Variants in FBXL13 observed in about 807,000 individuals in gnomAD.
FBXL13 encodes the protein F-box and leucine-rich repeat protein 13.
In FBXL13, 67 loss-of-function variants were observed where a neutral mutation model predicts 83.6. The observed-to-expected ratio is 0.80, with a 90% CI of 0.66 to 0.98. FBXL13 has a LOEUF of 0.98. Ranked by LOEUF, FBXL13 falls within the 50% of genes least tolerant of loss-of-function variation. The probability of loss-of-function intolerance (pLI) is 0.00; values close to 1 mark genes in which losing one functional copy is unlikely to be tolerated. For missense variants in FBXL13, 822 were observed against 866.5 expected (o/e 0.95, Z 0.64); for synonymous variants, 272 against 299.5 (o/e 0.91, Z 0.95).
intron 2 of FBXL13, among the ~76,000 whole-genome samples, chr7:103,046,275 T>C (rs551572997): frequency 6.6e-6 from 1 of 152,364 alleles, no homozygotes; most frequent in East Asian, 1.9e-4. Flanking sequence ...ATTATATTAT[T>C]TAGCATAACT....
At chr7:103,059,525 A>G (rs1797654195) in intron 1 of FBXL13, among the ~76,000 whole-genome samples, 1 of 152,236 alleles carries the variant, frequency 6.6e-6, no homozygotes, top group African/African-American at 2.4e-5. Flanking sequence ...GACTCTCAAA[A>G]ACATTAATCA....
chr7:102,876,798 G>T (rs1809336528), intron 16 of FBXL13, among the ~76,000 whole-genome samples: 1 of 152,114 alleles, frequency 6.6e-6, no homozygotes, highest in South Asian at 2.1e-4. Context: ...TATATAGGAA[G>T]GATATAGGAT....
At chr7:102,814,815 T>C (rs915903818) in intron 19 of FBXL13, among the ~76,000 whole-genome samples, 16 of 152,360 alleles carry the variant, frequency 1.1e-4, no homozygotes, top group African/African-American at 3.4e-4. Context: ...ATTCTGTTAA[T>C]TTTTTAAATC....
chr7:102,874,725 C>T (rs926569175), intron 16 of FBXL13, among the ~76,000 whole-genome samples: 1 of 152,072 alleles, frequency 6.6e-6, no homozygotes, highest in African/African-American at 2.4e-5. Flanking sequence ...CATCACCACA[C>T]CCGGCTAATT....
intron 6 of FBXL13, among the ~76,000 whole-genome samples, chr7:102,995,563 C>T (rs1252728920): frequency 1.3e-5 from 2 of 149,668 alleles, no homozygotes; most frequent in Middle Eastern, 3.6e-3. Context: ...CGGAGGCAGA[C>T]GGATCACAAG....
intron 10 of FBXL13, among the ~76,000 whole-genome samples, chr7:102,916,077 A>G (rs1301927465): frequency 1.3e-5 from 2 of 151,376 alleles, no homozygotes; most frequent in Non-Finnish European, 2.9e-5. Flanking sequence ...TCCACCTCCC[A>G]GGCTCAAGTG....
In FBXL13 at chr7:102,962,001, T is replaced by C. The variant is rs1825292643; in HGVS notation, c.724+1532A>G. The stretch of plus-strand genomic sequence containing the variant: ...ATTGACAAATGGGATCTAATTAAAC[T>C]AAAGAGCTTCTGCACAGCAAAAGAA... On this transcript the variant is annotated intron_variant, in intron 8 of 19. Transcript: ENST00000313221. Among the ~76,000 whole-genome samples, 8 of 149,966 alleles carry C rather than the reference T, an allele frequency of 5.3e-5. No homozygotes were observed. In the South Asian group the frequency reaches 1.5e-3, roughly 28 times the overall value.
intron 16 of FBXL13, among the ~76,000 whole-genome samples, chr7:102,869,259 T>C (rs1808192597): frequency 6.6e-6 from 1 of 152,224 alleles, no homozygotes; most frequent in Non-Finnish European, 1.5e-5. Flanking sequence ...ATGTACTTGT[T>C]GGCCGTATAC....
rs116124123 is a variant in FBXL13 at position 102,898,585 on chromosome 7, C to T, written c.1009-14273G>A. On this transcript the variant is annotated intron_variant, in intron 11 of 19. Transcript: ENST00000313221. The stretch of plus-strand genomic sequence containing the variant: ...GGATTACAAGCATGAGCCACCGTGC[C>T]TGGCCACTTTTCTGTATTATATTTT... 3.7e-3 allele frequency among the ~76,000 whole-genome samples: 567 copies of T among 152,302 alleles called. 5 individuals carry two copies. Among genetic ancestry groups the T allele is most frequent in the African/African-American group, 0.013 (560 of 41,560 alleles).
At chr7:102,852,130 A>G (rs1805355473) in intron 17 of FBXL13, among the ~76,000 whole-genome samples, 1 of 152,168 alleles carries the variant, frequency 6.6e-6, no homozygotes, top group Non-Finnish European at 1.5e-5. Flanking sequence ...CTCCATGTAA[A>G]ATATCCCTGT....
chr7:102,948,151 C>T (rs1460841132), intron 8 of FBXL13, among the ~76,000 whole-genome samples: 2 of 151,724 alleles, frequency 1.3e-5, no homozygotes, highest in Non-Finnish European at 2.9e-5. Context: ...ACAACCTCTG[C>T]CTCCTGGGTT....
Position 102,819,703 on chromosome 7 carries a change from CTT to C in FBXL13, c.2018+2335_2018+2336del, listed in dbSNP as rs1396395211. Among the ~76,000 whole-genome samples the C allele has an allele frequency of 5.9e-5, 9 of 152,300 alleles. 1 individual carries two copies. In the East Asian group the frequency reaches 1.7e-3, roughly 29 times the overall value. ...TTCTTCCCAAGCCAGAAAAATCTCT[CTT>C]ATCCCACCTGCCAAAGGTTCTGTTT... On this transcript the variant is annotated intron_variant, in intron 19 of 19. Transcript: ENST00000313221.
chr7:102,944,309 A>G, intron 8 of FBXL13: 1 of 1,613,992 alleles, frequency 6.2e-7, no homozygotes, highest in Non-Finnish European at 8.5e-7. Context: ...TATTTTTTGA[A>G]ACTCTTGTGG....
At chr7:103,039,815 T>G (rs1795475521) in intron 2 of FBXL13, among the ~76,000 whole-genome samples, 1 of 151,638 alleles carries the variant, frequency 6.6e-6, no homozygotes, top group Non-Finnish European at 1.5e-5. Flanking sequence ...TTACAAGAGC[T>G]CCTGGTGGAA....
chr7:102,901,239 A>G (rs1401839068), intron 11 of FBXL13, among the ~76,000 whole-genome samples: 1 of 152,192 alleles, frequency 6.6e-6, no homozygotes, highest in East Asian at 1.9e-4. Context: ...TTAAAGACAG[A>G]TTATGTGTGT....
chr7:102,939,443 G>A (rs1357243630), intron 8 of FBXL13: 2 of 1,605,144 alleles, frequency 1.2e-6, no homozygotes, highest in East Asian at 4.5e-5. Context: ...TGAAAAAAGT[G>A]CCAAACAACA....
chr7:103,041,327 A>C lies in FBXL13; in HGVS notation c.1-11909T>G, dbSNP rs181132566. Among the ~76,000 whole-genome samples the C allele has an allele frequency of 4.7e-3, 711 of 151,486 alleles. 7 individuals are homozygous for C. Among genetic ancestry groups the C allele is most frequent in the African/African-American group, 0.016 (680 of 41,478 alleles). On this transcript the variant is annotated intron_variant, in intron 2 of 19. Transcript: ENST00000313221. The stretch of plus-strand genomic sequence containing the variant: ...AAAAACAGGTTCTGAAATTGAAGCA[A>C]TAATAGCCTACCAACCAAAAAAAGA...
intron 18 of FBXL13, among the ~76,000 whole-genome samples, chr7:102,830,365 C>T (rs1262497030): frequency 6.6e-6 from 1 of 152,194 alleles, no homozygotes; most frequent in African/African-American, 2.4e-5. Context: ...TCACTTCTCA[C>T]TAAGCCATGT....
At chr7:102,993,468 A>G (rs57734320) in intron 6 of FBXL13, among the ~76,000 whole-genome samples, 9,003 of 152,278 alleles carry the variant, frequency 0.059, 311 homozygotes, top group South Asian at 0.11. Flanking sequence ...GACAACCCTA[A>G]AGCAACACTT....
Sources: allele counts gnomAD v4.1 joint callset (sites outside exome capture counted in the v4.1 genomes callset), GRCh38; gene constraint gnomAD v4.1.1; transcripts MANE v1.5; gene names NCBI Gene and HGNC (gene_info 2026-07-23, HGNC 2026-07-21).